Variants in RHOA observed in about 807,000 individuals in gnomAD.
RHOA encodes the protein transforming protein RhoA.
In RHOA, 3 loss-of-function variants were observed where a neutral mutation model predicts 17.5. The ratio of observed to expected loss-of-function variants is 0.17; its 90% CI spans 0.08 to 0.44. The LOEUF (loss-of-function observed/expected upper bound fraction) is 0.44, where lower values mean the gene tolerates loss of function less well. Ranked by LOEUF, RHOA falls within the 20% of genes least tolerant of loss-of-function variation. The pLI, the probability that RHOA is intolerant of heterozygous loss-of-function variation, is 0.99. For synonymous variants in RHOA, 98 were observed against 88.4 expected (o/e 1.11, Z -0.61); for missense variants, 56 against 242.3 (o/e 0.23, Z 5.10).
chr3:49,376,116 C>T (rs892469715), intron 1 of RHOA, among the ~76,000 whole-genome samples: 1 of 151,970 alleles, frequency 6.6e-6, no homozygotes, highest in South Asian at 2.1e-4. Context: ...GCTGGGATTA[C>T]AGGCGTGAGC....
intron 1 of RHOA, among the ~76,000 whole-genome samples, chr3:49,403,914 C>T (rs1575286784): frequency 6.6e-6 from 1 of 151,728 alleles, no homozygotes; most frequent in Non-Finnish European, 1.5e-5. Flanking sequence ...AGTAGTAAGC[C>T]CTGTTTTATT....
chr3:49,409,864 CCA>C (rs2048903589), intron 1 of RHOA, among the ~76,000 whole-genome samples: 1 of 152,034 alleles, frequency 6.6e-6, no homozygotes, highest in Non-Finnish European at 1.5e-5. Context: ...TCAAAAGTGC[CCA>C]CAGTTAACTA....
chr3:49,364,409 C>T (rs960029975), intron 3 of RHOA, among the ~76,000 whole-genome samples: 48 of 151,958 alleles, frequency 3.2e-4, no homozygotes, highest in African/African-American at 1.1e-3. Flanking sequence ...CGCTTGAACC[C>T]GGGAGGCGGA....
At chr3:49,394,871 C>T (rs1347527903) in intron 1 of RHOA, among the ~76,000 whole-genome samples, 1 of 152,004 alleles carries the variant, frequency 6.6e-6, no homozygotes, top group Non-Finnish European at 1.5e-5. Flanking sequence ...GGACAAGTCC[C>T]CTGGAAAGAG....
chr3:49,367,757 G>A (rs1022113131), intron 3 of RHOA, among the ~76,000 whole-genome samples: 5 of 151,808 alleles, frequency 3.3e-5, no homozygotes, highest in African/African-American at 9.7e-5. Context: ...CCTGACCTCA[G>A]GTGATCTGCC....
chr3:49,372,831 T>C (rs13317185), intron 2 of RHOA, among the ~76,000 whole-genome samples: 5,584 of 151,958 alleles, frequency 0.037, 347 homozygotes, highest in African/African-American at 0.13. Flanking sequence ...TGCCAAACAT[T>C]TTCCGTTACT....
chr3:49,403,724 TA>T (rs1258112766), intron 1 of RHOA, among the ~76,000 whole-genome samples: 1 of 151,726 alleles, frequency 6.6e-6, no homozygotes, highest in Non-Finnish European at 1.5e-5. Context: ...GCCCTATGTC[TA>T]AAAAAAATAA....
At chr3:49,383,065 AAAAAAGAAAAAG>A (rs926812160) in intron 1 of RHOA, among the ~76,000 whole-genome samples, 1 of 150,196 alleles carries the variant, frequency 6.7e-6, no homozygotes, top group Non-Finnish European at 1.5e-5. Context: ...ATCAGAAAAA[AAAAAAGAAAAAG>A]AAAAAGAAAA....
chr3:49,364,899 G>C (rs1475104784), intron 3 of RHOA, among the ~76,000 whole-genome samples: 1 of 152,046 alleles, frequency 6.6e-6, no homozygotes, highest in South Asian at 2.1e-4. Context: ...TTGAACCCGG[G>C]AGGCGGAGTG....
At chr3:49,372,733 CAAAAAAAA>C (rs11460016) in intron 2 of RHOA, among the ~76,000 whole-genome samples, 1 of 83,148 alleles carries the variant, frequency 1.2e-5, no homozygotes. Flanking sequence ...GACTCTGTCT[CAAAAAAAA>C]AAAAAAAAAA....
At chr3:49,386,047 G>A (rs1342240475) in intron 1 of RHOA, among the ~76,000 whole-genome samples, 1 of 151,934 alleles carries the variant, frequency 6.6e-6, no homozygotes, top group Non-Finnish European at 1.5e-5. Flanking sequence ...AGATTATTTT[G>A]GTTATTCTGG....
intron 1 of RHOA, 54 bp downstream of exon 1, chr3:49,411,766 C>G (rs1435297135): frequency 6.6e-6 from 1 of 151,942 alleles, no homozygotes. Context: ...CGGAAGAGTA[C>G]CGGGCTGGCG....
chr3:49,396,711 A>G (rs2048622251), intron 1 of RHOA, among the ~76,000 whole-genome samples: 1 of 151,972 alleles, frequency 6.6e-6, no homozygotes, highest in African/African-American at 2.4e-5. Flanking sequence ...TCACACACAA[A>G]AAAAGTCAGG....
At chr3:49,389,869 G>A (rs779680289) in intron 1 of RHOA, among the ~76,000 whole-genome samples, 4 of 150,176 alleles carry the variant, frequency 2.7e-5, no homozygotes, top group Non-Finnish European at 4.4e-5. Context: ...CCCAGGAGGT[G>A]GAGCTTGCAG....
intron 4 of RHOA, among the ~76,000 whole-genome samples, chr3:49,361,918 T>C (rs945524982): frequency 2.0e-5 from 3 of 151,158 alleles, no homozygotes; most frequent in Non-Finnish European, 4.4e-5. Context: ...CCAGGCACAG[T>C]GGCTCACACC....
At chr3:49,386,130 T>G (rs1390444572) in intron 1 of RHOA, among the ~76,000 whole-genome samples, 4 of 152,226 alleles carry the variant, frequency 2.6e-5, no homozygotes. Flanking sequence ...GGAATTTTGA[T>G]AGGAATTACA....
At chr3:49,403,649 T>C (rs2048764382) in intron 1 of RHOA, among the ~76,000 whole-genome samples, 1 of 151,852 alleles carries the variant, frequency 6.6e-6, no homozygotes, top group Non-Finnish European at 1.5e-5. Flanking sequence ...TTCTTGGGCC[T>C]AGGAGGTCGA....
At chr3:49,386,207 C>T (rs773982677) in intron 1 of RHOA, among the ~76,000 whole-genome samples, 2 of 151,032 alleles carry the variant, frequency 1.3e-5, no homozygotes, top group Non-Finnish European at 2.9e-5. Flanking sequence ...GACATATGAA[C>T]ATGGACGCCT....
chr3:49,370,815 G>T (rs767900595), intron 2 of RHOA, among the ~76,000 whole-genome samples: 2 of 152,024 alleles, frequency 1.3e-5, no homozygotes, highest in Non-Finnish European at 2.9e-5. Context: ...AGGCCCAAGA[G>T]GTCTCCCTCC....
Sources: allele counts gnomAD v4.1 joint callset (sites outside exome capture counted in the v4.1 genomes callset), GRCh38; gene constraint gnomAD v4.1.1; transcripts MANE v1.5; gene names NCBI Gene and HGNC (gene_info 2026-07-23, HGNC 2026-07-21).